GOSR1: variants seen among roughly 807,000 people sequenced by gnomAD.
The protein encoded by GOSR1 is golgi SNAP receptor complex member 1.
Under a neutral mutation model 35.5 loss-of-function variants are expected in GOSR1, and 21 were observed. That is an observed-to-expected ratio of 0.59 (90% confidence interval 0.42 to 0.85). The LOEUF is 0.85. Ranked by LOEUF, GOSR1 falls within the 40% of genes least tolerant of loss-of-function variation. The pLI is 0.00. For synonymous variants in GOSR1, 94 were observed against 106.6 expected (o/e 0.88, Z 0.73); for missense variants, 285 against 309.6 (o/e 0.92, Z 0.60).
chr17:30,499,773 T>A (rs574407494), intron 6 of GOSR1, among the ~76,000 whole-genome samples: 1 of 152,322 alleles, frequency 6.6e-6, no homozygotes, highest in Non-Finnish European at 1.5e-5. Flanking sequence ...GTCAGTGGTG[T>A]GTGGGAGTTC....
intron 5 of GOSR1, among the ~76,000 whole-genome samples, chr17:30,491,783 G>A (rs925929705): frequency 2.0e-5 from 3 of 152,278 alleles, no homozygotes; most frequent in African/African-American, 2.4e-5. Context: ...TGGCCTCATA[G>A]CAATCTTTTG....
chr17:30,484,927 T>C (rs1452512571), intron 4 of GOSR1, 157 bp downstream of exon 4: 5 of 667,946 alleles, frequency 7.5e-6, no homozygotes, highest in South Asian at 6.6e-5. Context: ...TTACTTTTTT[T>C]TGGGGTCACC....
chr17:30,521,869 G>A (rs1490244837), intron 8 of GOSR1, among the ~76,000 whole-genome samples: 1 of 152,108 alleles, frequency 6.6e-6, no homozygotes, highest in Non-Finnish European at 1.5e-5. Context: ...GGTGGTGGTG[G>A]CGATGGGAGC....
At chr17:30,502,302 C>CT (rs1967240632) in intron 6 of GOSR1, among the ~76,000 whole-genome samples, 1 of 152,118 alleles carries the variant, frequency 6.6e-6, no homozygotes, top group Non-Finnish European at 1.5e-5. Context: ...CCCCTACCAC[C>CT]GTGCAATGCA....
chr17:30,519,701 A>G, intron 7 of GOSR1: 1 of 356,054 alleles, frequency 2.8e-6, no homozygotes, highest in Non-Finnish European at 5.0e-6. Context: ...GTTATTTTGA[A>G]GCAAACATAG....
chr17:30,506,398 A>G (rs1294137443), intron 6 of GOSR1, among the ~76,000 whole-genome samples: 3 of 152,266 alleles, frequency 2.0e-5, no homozygotes, highest in Non-Finnish European at 4.4e-5. Context: ...GAAAATTTTA[A>G]TGGTCTGGTT....
At position 30,524,288 on chromosome 17, in the gene GOSR1, TTGA is replaced by T. The variant is rs1361793018; in HGVS notation, c.*1915_*1917del. On this transcript the variant is annotated 3_prime_UTR_variant, in exon 9 of 9. Coordinates refer to ENST00000451249, the MANE Select transcript of GOSR1 (RefSeq NM_001007025.2). Reference sequence around the variant, plus strand: ...ATAATGAGAAATCACAAGTTCTTTCTTGATGATCTGTGCTATAGATTTCTACTC... The same window carrying T: ...ATAATGAGAAATCACAAGTTCTTTCTTGATCTGTGCTATAGATTTCTACTC... 3.3e-5 allele frequency: 5 copies of T among 152,400 alleles called. No individual in the cohort carries two copies. Among genetic ancestry groups the T allele is most frequent in the East Asian group, 1.9e-4 (1 of 5,186 alleles). The allele number at this position is 152,400 out of a possible 1,614,324, so 9.4% of individuals were successfully genotyped here. A position where few individuals can be genotyped will look rare whatever the true frequency, so the allele number is the denominator to read the frequency against.
At chr17:30,483,905 T>C (rs1914510355) in intron 2 of GOSR1, among the ~76,000 whole-genome samples, 1 of 152,256 alleles carries the variant, frequency 6.6e-6, no homozygotes, top group South Asian at 2.1e-4. Context: ...ATGCAGGACA[T>C]GGCTGTATAT....
At chr17:30,486,916 T>C (rs1914718733) in intron 4 of GOSR1, among the ~76,000 whole-genome samples, 1 of 152,190 alleles carries the variant, frequency 6.6e-6, no homozygotes, top group Admixed American at 6.5e-5. Flanking sequence ...ACAGCAGGGT[T>C]GTATCGTTGT....
intron 1 of GOSR1, chr17:30,478,088 A>G (rs1053952809): frequency 4.0e-6 from 1 of 247,256 alleles, no homozygotes; most frequent in Non-Finnish European, 6.4e-6. Flanking sequence ...AAAAGTTGAG[A>G]GAACCTGTGT....
intron 6 of GOSR1, among the ~76,000 whole-genome samples, chr17:30,493,139 CG>C (rs1330308271): frequency 5.9e-5 from 9 of 152,076 alleles, no homozygotes; most frequent in African/African-American, 2.2e-4. Context: ...GGACTACAGG[CG>C]TGTGCCACCA....
At chr17:30,481,912 T>G (rs538513943) in intron 2 of GOSR1, among the ~76,000 whole-genome samples, 1 of 152,082 alleles carries the variant, frequency 6.6e-6, no homozygotes, top group Admixed American at 6.5e-5. Flanking sequence ...GATGGATCAC[T>G]TGAGCCCAGG....
intron 6 of GOSR1, among the ~76,000 whole-genome samples, chr17:30,503,087 T>C (rs1004805148): frequency 3.3e-5 from 5 of 152,252 alleles, no homozygotes; most frequent in African/African-American, 1.2e-4. Context: ...GCTTGTTTGC[T>C]TTCTTATTTA....
At chr17:30,498,496 T>A (rs897755074) in intron 6 of GOSR1, among the ~76,000 whole-genome samples, 1 of 152,182 alleles carries the variant, frequency 6.6e-6, no homozygotes, top group African/African-American at 2.4e-5. Flanking sequence ...AGGGAGTCAT[T>A]ACTCTGCTGA....
rs777163277 is a variant in GOSR1 at position 30,522,313 on chromosome 17, T to C, written c.682T>C (p.Ser228Pro). The C allele has an allele frequency of 3.7e-6, 6 of 1,609,808 alleles. No homozygotes were observed. In the Admixed American group the frequency reaches 1.0e-4, roughly 27 times the overall value. ...GATCAACCTGAGGAAGCGGCGGGAC[T>C]CGCTCATCCTAGGGGGTGTTATTGG... is the stretch of plus-strand genomic sequence containing the variant. ...QRINLRKRRD[S>P]LILGGVIGIC... is the part of the protein sequence containing the mutation. Residue 228 changes from serine (S) to proline (P), a missense_variant, in exon 9 of 9, where the codon TCG (serine) becomes CCG (proline). Transcript: ENST00000451249.
At chr17:30,513,891 A>G (rs1202796633) in intron 7 of GOSR1, among the ~76,000 whole-genome samples, 1 of 152,218 alleles carries the variant, frequency 6.6e-6, no homozygotes, top group Non-Finnish European at 1.5e-5. Context: ...CAAGGCTGCC[A>G]TGATGGTGCT....
chr17:30,520,925 A>G (rs764621337), intron 8 of GOSR1, among the ~76,000 whole-genome samples: 5 of 152,208 alleles, frequency 3.3e-5, no homozygotes, highest in Admixed American at 6.5e-5. Flanking sequence ...GAGTGCTGTT[A>G]TATACATTAT....
intron 4 of GOSR1, among the ~76,000 whole-genome samples, chr17:30,487,270 A>T (rs1409994969): frequency 6.6e-6 from 1 of 152,166 alleles, no homozygotes; most frequent in Non-Finnish European, 1.5e-5. Flanking sequence ...CAGAGATTTT[A>T]AAAAAACAAT....
intron 7 of GOSR1, among the ~76,000 whole-genome samples, chr17:30,514,128 A>G (rs1380453773): frequency 6.6e-6 from 1 of 152,212 alleles, no homozygotes; most frequent in Non-Finnish European, 1.5e-5. Flanking sequence ...AATAAGAACT[A>G]AATGATGCAA....
Sources: gnomAD v4.1 joint callset for allele counts (sites outside exome capture counted in the v4.1 genomes callset) on GRCh38, gnomAD v4.1.1 for gene constraint, MANE v1.5 for transcripts, NCBI Gene and HGNC (gene_info 2026-07-23, HGNC 2026-07-21) for gene names.